The following GPKOW variants were observed in gnomAD, a reference collection of about 807,000 sequenced individuals.
GPKOW encodes G-patch domain and KOW motifs-containing protein.
For synonymous variants in GPKOW, 167 were observed against 159.1 expected, an observed-to-expected ratio of 1.05 and a Z score of -0.37; for missense variants, 359 against 404.7, an observed-to-expected ratio of 0.89 and a Z score of 0.97.
intron 5 of GPKOW, among the ~76,000 whole-genome samples, 175 bp from the exon 6 acceptor site, chrX:49,117,337 T>G (rs1199513474): frequency 1.8e-5 from 2 of 111,711 alleles, no homozygotes; most frequent in African/African-American, 6.5e-5. Context: ...CAGCTGACTG[T>G]GGGGCTTCCT....
chrX:49,119,897 G>T, intron 3 of GPKOW, 83 bp from the exon 4 acceptor site: 1 of 540,655 alleles, frequency 1.8e-6, no homozygotes, highest in Admixed American at 3.4e-5. Context: ...GCCCCCCACT[G>T]GGAGACCTGC....
At position 49,123,660 on chromosome X, in the gene GPKOW, G is replaced by A. The variant is rs371696984; in HGVS notation, c.63C>T (p.Phe21=). ...LTAASTAPIS[F]GFTRTSARRR... ...TCCGTGCGGACGTGCGAGTGAAGCCGAATGAAATTGGGGCAGTGGAAGCAG... is the reference window on the plus strand; with the variant it reads ...TCCGTGCGGACGTGCGAGTGAAGCCAAATGAAATTGGGGCAGTGGAAGCAG... The change falls in exon 1 of 11, where the codon TTC becomes TTT. Residue 21 remains phenylalanine, a synonymous_variant. Transcript: ENST00000156109. 59 of 1,208,198 alleles carry A rather than the reference G, an allele frequency of 4.9e-5. No individual in the cohort carries two copies. The African/African-American group carries it at 9.0e-4, about 18-fold the overall frequency.
intron 3 of GPKOW, among the ~76,000 whole-genome samples, chrX:49,121,585 A>C (rs782799016): frequency 2.7e-5 from 3 of 110,789 alleles, no homozygotes; most frequent in Non-Finnish European, 5.7e-5. Flanking sequence ...AGAAGAGGTG[A>C]AAAGTCAGGT....
At chrX:49,123,262 A>C (rs1484782001) in intron 1 of GPKOW, among the ~76,000 whole-genome samples, 2 of 110,912 alleles carry the variant, frequency 1.8e-5, no homozygotes, top group African/African-American at 6.6e-5. Flanking sequence ...AGGTCCTGTC[A>C]TTTTCTCATT....
At position 49,117,646 on chromosome X, in the gene GPKOW, C is replaced by A. The variant is rs1557090453; in HGVS notation, c.731G>T (p.Gly244Val). Residue 244 changes from glycine to valine, a missense_variant, in exon 5 of 11, where the codon GGA (glycine) becomes GTA (valine). Gly to Val is a moderately radical substitution (Grantham distance 109). Coordinates refer to ENST00000156109, the MANE Select transcript of GPKOW (RefSeq NM_015698.6). ...KEDQPQGLVP[G>V]GAVVVLSGPH... Reference sequence around the variant, plus strand: ...GCCAGAAAGAACCACCACAGCTCCTCCAGGCACCAGCCCTTGAGGCTGATC... The same window carrying A: ...GCCAGAAAGAACCACCACAGCTCCTACAGGCACCAGCCCTTGAGGCTGATC... 1 of 1,211,141 alleles carries A rather than the reference C, an allele frequency of 8.3e-7. No homozygotes were observed. Among genetic ancestry groups the A allele is most frequent in the Non-Finnish European group, 1.1e-6 (1 of 894,783 alleles).
chrX:49,123,387 C>A (rs188878964), intron 1 of GPKOW, among the ~76,000 whole-genome samples, 160 bp downstream of exon 1: 50 of 112,412 alleles, frequency 4.4e-4, no homozygotes, highest in African/African-American at 1.4e-3. Flanking sequence ...AATTTCCTCA[C>A]CCCCTCCTAT....
chrX:49,115,974 T>C lies in GPKOW; in HGVS notation c.1057A>G (p.Arg353Gly), dbSNP rs1228005207. 1 of 1,210,118 alleles carries C rather than the reference T, an allele frequency of 8.3e-7. No homozygotes were observed. The highest frequency in any genetic ancestry group is 1.1e-6 in the Non-Finnish European group (1 of 894,919). The change falls in exon 8 of 11, where the codon AGA (arginine) becomes GGA (glycine). Residue 353 changes from arginine to glycine, a missense_variant. Transcript: ENST00000156109. ...PAAKSEKAAP[R>G]SQHWLHRDLR... ...TCCCTGTGCAACCAGTGCTGACTTC[T>C]GGGGGCTGCTTTCTCACTCTTGGCT...
chrX:49,122,858 G>C, intron 1 of GPKOW, 82 bp from the exon 2 acceptor site: 1 of 809,557 alleles, frequency 1.2e-6, no homozygotes, highest in East Asian at 3.2e-5. Context: ...AAACACAAGA[G>C]CCAAACTCAC....
chrX:49,119,372 G>C lies in GPKOW; in HGVS notation c.566+333C>G, dbSNP rs187614182. Among the ~76,000 whole-genome samples the C allele has an allele frequency of 6.3e-5, 7 of 111,355 alleles. No individual in the cohort carries two copies. The East Asian group carries it at 2.0e-3, about 31-fold the overall frequency. ...GATCCTCCTGCCTCAGTCTCCGAAA[G>C]TGCTGGGATTACAGGCATGAGCCAC... On this transcript the variant is annotated intron_variant, in intron 4 of 10. Transcript: ENST00000156109.
Position 49,122,516 on chromosome X carries a change from T to C in GPKOW, c.338A>G (p.Lys113Arg). The C allele has an allele frequency of 2.5e-6, 3 of 1,208,454 alleles. No homozygotes were observed. The change falls in exon 3 of 11, where the codon AAG (lysine) becomes AGG (arginine). Residue 113 changes from lysine to arginine, a missense_variant. Coordinates refer to ENST00000156109, the MANE Select transcript of GPKOW (RefSeq NM_015698.6). The stretch of plus-strand genomic sequence containing the variant: ...ATTCTCTCTCTCTTCCAGAGACTTC[T>C]TGGATTCTAAAGGAAGAATAGGAGG... ...QAVKELIAES[K>R]KSLEERENAG...
chrX:49,113,545 T>C lies in GPKOW; in HGVS notation c.*76A>G, dbSNP rs2065179302. On this transcript the variant is annotated 3_prime_UTR_variant, in exon 11 of 11. Transcript: ENST00000156109. ...GAAGTAGAGGATGGAACAATGATCT[T>C]CCCACCTTCTGAAGGCAACTTTCTC... The C allele has an allele frequency of 1.0e-6, 1 of 1,002,124 alleles. No individual in the cohort carries two copies. Among genetic ancestry groups the C allele is most frequent in the Admixed American group, 2.3e-5 (1 of 44,042 alleles). The allele number at this position is 1,002,124 out of a possible 1,213,427, so 82.6% of individuals were successfully genotyped here. A position where few individuals can be genotyped will look rare whatever the true frequency, so the allele number is the denominator to read the frequency against.
In GPKOW at chrX:49,122,753, T is replaced by C. The variant is rs1426300322; in HGVS notation, c.200A>G (p.Lys67Arg). 1.7e-6 allele frequency: 2 copies of C among 1,208,799 alleles called. No homozygotes were observed. The highest frequency in any genetic ancestry group is 2.2e-6 in the Non-Finnish European group (2 of 894,176). ...CTGGATCAAAGGGATGACGAGTTCC[T>C]TGGGGGCCTCCTGGGGCTTCACACT... ...LQSVKPQEAP[K>R]ELVIPLIQNG... Residue 67 changes from lysine to arginine, a missense_variant, in exon 2 of 11, where the codon AAG becomes AGG. By Grantham distance (26) the Lys-to-Arg change is conservative (BLOSUM62 2). Transcript: ENST00000156109.
intron 3 of GPKOW, among the ~76,000 whole-genome samples, chrX:49,120,984 G>A (rs1359492810): frequency 2.7e-5 from 3 of 111,615 alleles, no homozygotes; most frequent in Non-Finnish European, 5.6e-5. Context: ...TTTTTATGCT[G>A]AGTGAGAGGA....
chrX:49,121,405 G>A (rs781982775), intron 3 of GPKOW, among the ~76,000 whole-genome samples: 114 of 111,210 alleles, frequency 1.0e-3, no homozygotes, highest in African/African-American at 3.6e-3. Flanking sequence ...TCCAGCCTGG[G>A]CGACAGGGCA....
At chrX:49,117,482 A>G in intron 5 of GPKOW, 115 bp downstream of exon 5, 2 of 562,775 alleles carry the variant, frequency 3.6e-6, no homozygotes, top group African/African-American at 4.5e-5. Flanking sequence ...AAGCAGACCT[A>G]AAAGACTAGG....
At chrX:49,123,479 T>G in intron 1 of GPKOW, 68 bp downstream of exon 1, 1 of 1,036,151 alleles carries the variant, frequency 9.7e-7, no homozygotes, top group Non-Finnish European at 1.3e-6. Flanking sequence ...GACAAACAAC[T>G]GAGATTCCTC....
chrX:49,113,743 G>A lies in GPKOW; in HGVS notation c.1309C>T (p.Leu437=), dbSNP rs1557089700. 5.0e-6 allele frequency: 6 copies of A among 1,205,737 alleles called. 1 individual carries two copies. The Admixed American group carries it at 1.3e-4, about 27-fold the overall frequency. Residue 437 remains leucine, a synonymous_variant, in exon 11 of 11, where the codon CTG becomes TTG. Transcript: ENST00000156109. ...CGGCTCCGTGCTCTGTCCCGGCTCA[G>A]CAAATGTCCCACCTGGAACAGAGGT... is the stretch of plus-strand genomic sequence containing the variant. ...GPQTGRVGHL[L]SRDRARSRAL...
In GPKOW at chrX:49,115,791, A is replaced by G. The variant is rs2065191382; in HGVS notation, c.1145T>C (p.Ile382Thr). The stretch of plus-strand genomic sequence containing the variant: ...ATCTGGGCTTAGGACATCTTCAATT[A>G]TCATCTGGGGATACAGGTCAGGGGG... ...KGGQYYNTKMIIEDVLSPDTC... is the reference protein window; with the variant it reads ...KGGQYYNTKMTIEDVLSPDTC... The change falls in exon 9 of 11, where the codon ATA (isoleucine) becomes ACA (threonine). Residue 382 changes from isoleucine (I) to threonine (T), a missense_variant. Ile to Thr is a moderately conservative substitution (Grantham distance 89). Transcript: ENST00000156109. 1 of 1,204,545 alleles carries G rather than the reference A, an allele frequency of 8.3e-7. No homozygotes were observed. The highest frequency in any genetic ancestry group is 1.1e-6 in the Non-Finnish European group (1 of 889,127).
chrX:49,116,100 A>T (rs2065192695), intron 7 of GPKOW, 86 bp from the exon 8 acceptor site: 1 of 1,145,161 alleles, frequency 8.7e-7, no homozygotes, highest in African/African-American at 1.8e-5. Flanking sequence ...TATGAAACCC[A>T]CCCACAATGC....
Sources: allele counts gnomAD v4.1 joint callset (sites outside exome capture counted in the v4.1 genomes callset), GRCh38; gene constraint gnomAD v4.1.1; transcripts MANE v1.5; gene names NCBI Gene and HGNC (gene_info 2026-07-23, HGNC 2026-07-21).